The following RRN3 variants were observed in gnomAD, a reference collection of about 807,000 sequenced individuals.
The protein encoded by RRN3 is RNA polymerase I-specific transcription initiation factor RRN3.
In RRN3, 38 loss-of-function variants were observed where a neutral mutation model predicts 82.3. The ratio of observed to expected loss-of-function variants is 0.46; its 90% CI spans 0.36 to 0.61. RRN3 has a LOEUF of 0.61. RRN3 is among the 20% of genes least tolerant of loss of function. The probability of loss-of-function intolerance (pLI) is 0.00; values close to 1 mark genes in which losing one functional copy is unlikely to be tolerated. For missense variants in RRN3, 726 were observed against 793.1 expected (o/e 0.92, Z 1.02); for synonymous variants, 284 against 284.3 (o/e 1.00, Z 0.01).
At chr16:15,081,752 C>G (rs1473024929) in intron 8 of RRN3, among the ~76,000 whole-genome samples, 2 of 152,102 alleles carry the variant, frequency 1.3e-5, no homozygotes, top group African/African-American at 4.8e-5. Flanking sequence ...CTGCCTAAAC[C>G]AACATCATGA....
At chr16:15,087,958 T>C (rs1242210212) in intron 3 of RRN3, among the ~76,000 whole-genome samples, 1 of 151,512 alleles carries the variant, frequency 6.6e-6, no homozygotes, top group Non-Finnish European at 1.5e-5. Flanking sequence ...CTACTAAAAA[T>C]ACAAAATTAG....
intron 11 of RRN3, among the ~76,000 whole-genome samples, chr16:15,073,513 A>G (rs2045327899): frequency 6.6e-6 from 1 of 152,224 alleles, no homozygotes; most frequent in African/African-American, 2.4e-5. Context: ...ACAAAATGCT[A>G]CTTTTAGTTT....
chr16:15,092,449 A>T (rs982284342), intron 2 of RRN3, 60 bp downstream of exon 2: 2 of 991,514 alleles, frequency 2.0e-6, no homozygotes, highest in African/African-American at 3.2e-5. Flanking sequence ...CTTTAGTATA[A>T]CAGCAATAGT....
intron 9 of RRN3, among the ~76,000 whole-genome samples, chr16:15,076,966 C>A (rs1241841907): frequency 1.4e-5 from 2 of 146,962 alleles, no homozygotes; most frequent in African/African-American, 4.9e-5. Flanking sequence ...GGCTCTGTGT[C>A]CCCACCCAAA....
At chr16:15,075,020 T>TG (rs1342729084) in intron 10 of RRN3, among the ~76,000 whole-genome samples, 159 bp from the exon 11 acceptor site, 1 of 151,106 alleles carries the variant, frequency 6.6e-6, no homozygotes, top group African/African-American at 2.4e-5. Context: ...GAAGCAGAGG[T>TG]GGGGGGATCA....
chr16:15,077,834 C>A (rs1320474229), intron 9 of RRN3, among the ~76,000 whole-genome samples: 1 of 152,160 alleles, frequency 6.6e-6, no homozygotes. Flanking sequence ...AGCGAGACAC[C>A]ATCTCAAACA....
At chr16:15,087,293 T>C (rs547251109) in intron 3 of RRN3, among the ~76,000 whole-genome samples, 18 of 152,304 alleles carry the variant, frequency 1.2e-4, no homozygotes, top group African/African-American at 3.8e-4. Flanking sequence ...ACACTCCACA[T>C]ATATATCTTC....
chr16:15,061,791 T>C lies in RRN3; in HGVS notation c.1909A>G (p.Ser637Gly), dbSNP rs2044723304. ...TACAACACGGGTGGGGAGCCCACAC[T>C]ACTTGAAGGACTTCGGAAATGCGTG... Reference protein sequence around the residue: ...FDTHFRSPSSSVGSPPVLYMQ... With the variant: ...FDTHFRSPSSGVGSPPVLYMQ... Residue 637 changes from serine (S) to glycine (G), a missense_variant, in exon 18 of 18, where the codon AGT becomes GGT. By Grantham distance (56) the Ser-to-Gly change is moderately conservative. Around this residue, in one of 4 missense-constraint regions of RRN3, gnomAD observed 166 missense variants for 154.8 expected, o/e 1.07. Coordinates refer to ENST00000198767, the MANE Select transcript of RRN3 (RefSeq NM_018427.5). 6.2e-7 allele frequency: 1 copy of C among 1,614,104 alleles called. No homozygotes were observed. Among genetic ancestry groups the C allele is most frequent in the East Asian group, 2.2e-5 (1 of 44,884 alleles).
chr16:15,077,822 G>C (rs1432563776), intron 9 of RRN3, among the ~76,000 whole-genome samples: 3 of 152,148 alleles, frequency 2.0e-5, no homozygotes, highest in African/African-American at 7.2e-5. Flanking sequence ...GCCTGGGCAA[G>C]AAGCGAGACA....
chr16:15,071,287 A>C (rs760969720), intron 12 of RRN3, 36 bp from the exon 13 acceptor site: 1 of 1,568,718 alleles, frequency 6.4e-7, no homozygotes, highest in South Asian at 1.2e-5. Context: ...GATCTTTTTT[A>C]ATGCCTAAGA....
In RRN3 at chr16:15,094,260, C is replaced by A; in HGVS notation, c.-27G>T. On this transcript the variant is annotated 5_prime_UTR_variant, in exon 1 of 18. Transcript: ENST00000198767. ...GGGCCGAACTAACGCGACCGCTGCG[C>A]CTCAGGCCGGATGCCCAGCTCCTTC... 3 of 1,534,724 alleles carry A rather than the reference C, an allele frequency of 2.0e-6. No individual in the cohort carries two copies. The highest frequency in any genetic ancestry group is 2.7e-6 in the Non-Finnish European group (3 of 1,131,190).
At chr16:15,091,750 T>C (rs577760134) in intron 2 of RRN3, among the ~76,000 whole-genome samples, 19 of 152,312 alleles carry the variant, frequency 1.2e-4, no homozygotes, top group Non-Finnish European at 2.4e-4. Context: ...CATATAAACA[T>C]ATGGTTACTT....
chr16:15,090,769 T>A (rs1786044886), intron 3 of RRN3, among the ~76,000 whole-genome samples: 2 of 152,080 alleles, frequency 1.3e-5, no homozygotes, highest in South Asian at 4.1e-4. Flanking sequence ...TAAACCATTC[T>A]CTTCAAAACT....
In RRN3 at chr16:15,061,813, C is replaced by A. The variant is rs780378934; in HGVS notation, c.1887G>T (p.Thr629=). The change falls in exon 18 of 18, where the codon ACG becomes ACT. Residue 629 remains threonine, a synonymous_variant. Transcript: ENST00000198767. The part of the protein sequence containing the change: ...VIGITPSSFD[T]HFRSPSSSVG... ...CACTACTTGAAGGACTTCGGAAATG[C>A]GTGTCAAAGGAGCTTGGTGTGATCC... The A allele has an allele frequency of 6.2e-6, 10 of 1,614,150 alleles. No individual in the cohort carries two copies. The highest frequency in any genetic ancestry group is 5.0e-5 in the Admixed American group (3 of 60,020).
intron 9 of RRN3, among the ~76,000 whole-genome samples, chr16:15,077,504 G>T (rs1042496627): frequency 1.3e-5 from 2 of 152,078 alleles, no homozygotes; most frequent in African/African-American, 4.8e-5. Flanking sequence ...CTCCCGCCAT[G>T]ATTCTGAGGC....
chr16:15,075,001 G>C (rs2045390713), intron 10 of RRN3, 140 bp from the exon 11 acceptor site: 4 of 841,144 alleles, frequency 4.8e-6, no homozygotes, highest in African/African-American at 3.4e-5. Context: ...TATAAGCCCA[G>C]CACTTTGGGA....
At chr16:15,088,020 AG>A (rs1402629729) in intron 3 of RRN3, among the ~76,000 whole-genome samples, 1 of 152,074 alleles carries the variant, frequency 6.6e-6, no homozygotes, top group Non-Finnish European at 1.5e-5. Context: ...AGGCTGAGGC[AG>A]GAGAATTGCT....
Position 15,060,100 on chromosome 16 carries a change from T to C in RRN3, c.*1644A>G. The C allele has an allele frequency of 3.0e-6, 1 of 337,762 alleles. No individual in the cohort carries two copies. The highest frequency in any genetic ancestry group is 2.4e-5 in the South Asian group (1 of 40,842). 20.9% of individuals were successfully genotyped at this position (337,762 alleles called of 1,614,324 possible). A position where few individuals can be genotyped will look rare whatever the true frequency, so the allele number is the denominator to read the frequency against. ...GATTAACCATGTCATTGTTTCATTT[T>C]CACCATGGATTTTTTTTCACAAACT... On this transcript the variant is annotated 3_prime_UTR_variant, in exon 18 of 18. Coordinates refer to ENST00000198767, the MANE Select transcript of RRN3 (RefSeq NM_018427.5).
At chr16:15,064,892 C>G (rs1388972685) in intron 16 of RRN3, among the ~76,000 whole-genome samples, 1 of 152,190 alleles carries the variant, frequency 6.6e-6, no homozygotes, top group South Asian at 2.1e-4. Context: ...CCTGGCCGGG[C>G]GCGGTGGCTC....
Sources: gnomAD v4.1 joint callset for allele counts (sites outside exome capture counted in the v4.1 genomes callset) on GRCh38, gnomAD v4.1.1 for gene constraint, gnomAD v4.1.1 regional missense constraint, MANE v1.5 for transcripts, NCBI Gene and HGNC (gene_info 2026-07-23, HGNC 2026-07-21) for gene names.